GTF2H5: variants seen among roughly 807,000 people sequenced by gnomAD.
GTF2H5 encodes general transcription factor IIH subunit 5, also known as TFB5 ortholog.
A neutral mutation model predicts 7.1 loss-of-function variants in GTF2H5; 5 were observed. That is an observed-to-expected ratio of 0.71 (90% CI 0.37 to 1.49). The LOEUF (loss-of-function observed/expected upper bound fraction) is 1.49. Ranked by LOEUF, GTF2H5 falls within the 40% of genes most tolerant of loss-of-function variation. The pLI, the probability that GTF2H5 is intolerant of heterozygous loss-of-function variation, is 0.03. For missense variants in GTF2H5, 80 were observed against 83.0 expected, an observed-to-expected ratio of 0.96 and a Z score of 0.14; for synonymous variants, 30 against 31.7, an observed-to-expected ratio of 0.95 and a Z score of 0.18.
chr6:158,188,870 C>T (rs896803568), intron 2 of GTF2H5, among the ~76,000 whole-genome samples: 6 of 151,894 alleles, frequency 4.0e-5, no homozygotes, highest in African/African-American at 1.2e-4. Context: ...CCCAATAAAC[C>T]ACAGACTCCC....
rs145853373 is a variant in GTF2H5 at position 158,189,722 on chromosome 6, C to T, written c.36-2255C>T. Reference sequence around the variant, plus strand: ...CTAGCTTCCAGTCTACCTTTCTGGTCGTTGTAGCAAAATTTCTCAGTAAAG... The same window carrying T: ...CTAGCTTCCAGTCTACCTTTCTGGTTGTTGTAGCAAAATTTCTCAGTAAAG... On this transcript the variant is annotated intron_variant, in intron 2 of 2. Transcript: ENST00000607778. 8.5e-5 allele frequency among the ~76,000 whole-genome samples: 13 copies of T among 152,276 alleles called. No homozygotes were observed. In the East Asian group the frequency reaches 1.5e-3, roughly 18 times the overall value.
intron 2 of GTF2H5, among the ~76,000 whole-genome samples, chr6:158,186,914 G>A (rs1409761809): frequency 6.6e-6 from 1 of 152,206 alleles, no homozygotes; most frequent in East Asian, 1.9e-4. Flanking sequence ...GGAGACCAAG[G>A]TTTTATCACG....
In GTF2H5 at chr6:158,199,342, C is replaced by G. The variant is rs1032612995; in HGVS notation, c.*7185C>G. 7.9e-5 allele frequency: 12 copies of G among 152,162 alleles called. No individual in the cohort carries two copies. The highest frequency in any genetic ancestry group is 2.9e-4 in the African/African-American group (12 of 41,418). 9.4% of individuals were successfully genotyped at this position (152,162 alleles called of 1,614,324 possible). On this transcript the variant is annotated 3_prime_UTR_variant, in exon 3 of 3. Transcript: ENST00000607778. ...GTCTAAAATAAAAATTTTAAAAAAACTATATCTGTCACAGCCTGTTTTTAT... is the reference window on the plus strand; with the variant it reads ...GTCTAAAATAAAAATTTTAAAAAAAGTATATCTGTCACAGCCTGTTTTTAT...
chr6:158,187,705 C>T (rs572496782), intron 2 of GTF2H5, among the ~76,000 whole-genome samples: 24 of 151,964 alleles, frequency 1.6e-4, no homozygotes, highest in Non-Finnish European at 2.5e-4. Flanking sequence ...GTAGCTGGGA[C>T]TACAGGTGCC....
intron 2 of GTF2H5, among the ~76,000 whole-genome samples, chr6:158,183,056 G>T (rs879411318): frequency 2.8e-4 from 42 of 152,110 alleles, no homozygotes; most frequent in Non-Finnish European, 4.6e-4. Flanking sequence ...TATGGATGGG[G>T]TTTTGGTGTG....
chr6:158,183,986 A>T (rs1182128802), intron 2 of GTF2H5, among the ~76,000 whole-genome samples: 1 of 152,090 alleles, frequency 6.6e-6, no homozygotes, highest in Non-Finnish European at 1.5e-5. Context: ...TTCTGTGTCG[A>T]TCTTGCTGGG....
chr6:158,189,141 G>A (rs1776979911), intron 2 of GTF2H5, among the ~76,000 whole-genome samples: 1 of 151,856 alleles, frequency 6.6e-6, no homozygotes, highest in African/African-American at 2.4e-5. Flanking sequence ...ACCTTATCAG[G>A]TGGTGCCTTT....
At chr6:158,182,161 TG>T (rs1217020065) in intron 2 of GTF2H5, among the ~76,000 whole-genome samples, 1 of 152,242 alleles carries the variant, frequency 6.6e-6, no homozygotes, top group Admixed American at 6.5e-5. Context: ...TATGAAATTC[TG>T]GGTTGAAAAT....
At position 158,169,684 on chromosome 6, in the gene GTF2H5, T is replaced by C. The variant is rs867878699; in HGVS notation, c.-34-786T>C. The stretch of plus-strand genomic sequence containing the variant: ...AATATATTGTATATTATATAATATA[T>C]AATATATATTATATAATATATTGTA... On this transcript the variant is annotated intron_variant, in intron 1 of 2. Transcript: ENST00000607778. Among the ~76,000 whole-genome samples, 476 of 53,700 alleles carry C rather than the reference T, an allele frequency of 8.9e-3. 89 individuals are homozygous for C. The highest frequency in any genetic ancestry group is 0.076 in the African/African-American group (448 of 5,866). The allele number at this position is 53,700 out of a possible 152,430, so 35.2% of individuals were successfully genotyped here. A position where few individuals can be genotyped will look rare whatever the true frequency, so the allele number is the denominator to read the frequency against.
At chr6:158,190,719 A>C in intron 2 of GTF2H5, 1 of 404,918 alleles carries the variant, frequency 2.5e-6, no homozygotes, top group East Asian at 6.9e-5. Context: ...CATCTTTTGG[A>C]TTAAATTGTT....
intron 1 of GTF2H5, among the ~76,000 whole-genome samples, chr6:158,169,820 T>G (rs1259159179): frequency 2.2e-5 from 2 of 92,848 alleles, no homozygotes; most frequent in Non-Finnish European, 4.0e-5. Flanking sequence ...ATATTATATA[T>G]AAAAGTGTGT....
At chr6:158,179,328 G>T (rs543106828) in intron 2 of GTF2H5, among the ~76,000 whole-genome samples, 32 of 152,240 alleles carry the variant, frequency 2.1e-4, no homozygotes, top group African/African-American at 7.7e-4. Flanking sequence ...TGGCTATGTG[G>T]GCTCTTTTTT....
chr6:158,169,838 T>TAC (rs34582974), intron 1 of GTF2H5, among the ~76,000 whole-genome samples: 35,441 of 115,628 alleles, frequency 0.31, 6,231 homozygotes, highest in Admixed American at 0.42. Flanking sequence ...TGTATATATA[T>TAC]ACACACACAC....
chr6:158,184,144 G>T (rs1489331252), intron 2 of GTF2H5, among the ~76,000 whole-genome samples: 1 of 152,108 alleles, frequency 6.6e-6, no homozygotes, highest in Non-Finnish European at 1.5e-5. Flanking sequence ...GAGCACAGAA[G>T]AATGGCTATT....
chr6:158,169,686 A>ATGTATATTATATAATATATTGTATAT, intron 1 of GTF2H5, among the ~76,000 whole-genome samples: 2 of 29,760 alleles, frequency 6.7e-5, no homozygotes, highest in South Asian at 2.1e-3. Context: ...ATAATATATA[A>ATGTATATTATATAATATATTGTATAT]TATATATTAT....
intron 2 of GTF2H5, among the ~76,000 whole-genome samples, chr6:158,183,637 G>C (rs773655849): frequency 1.3e-5 from 2 of 152,180 alleles, no homozygotes; most frequent in Admixed American, 6.5e-5. Context: ...ACCAAGCTCC[G>C]GTGTCCCAAG....
intron 2 of GTF2H5, among the ~76,000 whole-genome samples, chr6:158,191,099 G>A (rs1777018804): frequency 6.6e-6 from 1 of 152,164 alleles, no homozygotes; most frequent in Non-Finnish European, 1.5e-5. Context: ...AAACAATTCT[G>A]TTATGTAGCC....
At chr6:158,169,752 A>ATATATTGTATATTATATATAATATATTG (rs1785809201) in intron 1 of GTF2H5, among the ~76,000 whole-genome samples, 2 of 66,384 alleles carry the variant, frequency 3.0e-5, no homozygotes, top group Non-Finnish European at 5.3e-5. Context: ...ATATTATATA[A>ATATATTGTATATTATATATAATATATTG]TATATTGTAT....
At chr6:158,189,749 G>A (rs764322142) in intron 2 of GTF2H5, among the ~76,000 whole-genome samples, 3 of 152,212 alleles carry the variant, frequency 2.0e-5, no homozygotes, top group Non-Finnish European at 4.4e-5. Context: ...TCAGTAAAGA[G>A]AAGACTTGGT....
Sources: allele counts gnomAD v4.1 joint callset (sites outside exome capture counted in the v4.1 genomes callset), GRCh38; gene constraint gnomAD v4.1.1; transcripts MANE v1.5; gene names NCBI Gene and HGNC (gene_info 2026-07-23, HGNC 2026-07-21).